The following CCDC175 variants were observed in gnomAD, a reference collection of about 807,000 sequenced individuals.
CCDC175 encodes the protein coiled-coil domain containing 175, also known as coiled-coil domain-containing protein 175.
In CCDC175, 100 loss-of-function variants were observed where a neutral mutation model predicts 114.6. The observed-to-expected ratio is 0.87, with a 90% CI of 0.74 to 1.03. The LOEUF (loss-of-function observed/expected upper bound fraction) is 1.03. Among genes scored for constraint, CCDC175 ranks in the 50% least tolerant of loss-of-function variants. The pLI is 0.00. For missense variants in CCDC175, 880 were observed against 917.8 expected (o/e 0.96, Z 0.53); for synonymous variants, 306 against 308.7 (o/e 0.99, Z 0.09).
chr14:59,573,618 GTTT>G (rs71111652), intron 2 of CCDC175, among the ~76,000 whole-genome samples: 1 of 108,952 alleles, frequency 9.2e-6, no homozygotes, highest in Non-Finnish European at 1.9e-5. Flanking sequence ...TTGTTTTTTT[GTTT>G]TTTTTTTTTT....
At chr14:59,559,068 G>GA (rs1343160174) in intron 7 of CCDC175, among the ~76,000 whole-genome samples, 3 of 152,142 alleles carry the variant, frequency 2.0e-5, no homozygotes, top group Non-Finnish European at 2.9e-5. Flanking sequence ...ACTTTAACAG[G>GA]ATGGAAGCCA....
rs140076678 is a variant in CCDC175, at chr14:59,512,805, G to GGTGTGT, written c.2099-1008_2099-1003dup. Among the ~76,000 whole-genome samples, 318 of 144,446 alleles carry GGTGTGT rather than the reference G, an allele frequency of 2.2e-3. 1 individual carries two copies. Among genetic ancestry groups the GGTGTGT allele is most frequent in the Admixed American group, 4.6e-3 (66 of 14,426 alleles). The allele number at this position is 144,446 out of a possible 152,430, so 94.8% of individuals were successfully genotyped here. ...CAAACCCAATTAAGATCTCAGCAGG[G>GGTGTGT]GTGTGTGTGTGTGTGTGTGTGTGTG... On this transcript the variant is annotated intron_variant, in intron 17 of 19. Transcript: ENST00000537690.
intron 7 of CCDC175, among the ~76,000 whole-genome samples, chr14:59,560,349 A>G (rs928821260): frequency 1.3e-5 from 2 of 152,118 alleles, no homozygotes; most frequent in African/African-American, 4.8e-5. Context: ...CTGTCAGTGA[A>G]CCACTGCAGT....
At chr14:59,543,309 G>A (rs1894899712) in intron 10 of CCDC175, 35 bp downstream of exon 10, 2 of 717,184 alleles carry the variant, frequency 2.8e-6, no homozygotes, top group Non-Finnish European at 4.4e-6. Context: ...TGCAGAGAAA[G>A]TAAAGATAAA....
At chr14:59,510,226 C>G (rs1892664556) in intron 19 of CCDC175, among the ~76,000 whole-genome samples, 1 of 152,098 alleles carries the variant, frequency 6.6e-6, no homozygotes. Context: ...GTTAACATCT[C>G]AGAAGCCCCC....
chr14:59,557,266 C>G (rs567514005), intron 7 of CCDC175, among the ~76,000 whole-genome samples: 2 of 152,152 alleles, frequency 1.3e-5, no homozygotes, highest in South Asian at 4.2e-4. Flanking sequence ...CACATATACA[C>G]CATGGAATAC....
chr14:59,549,208 A>G (rs1895300452), intron 8 of CCDC175, among the ~76,000 whole-genome samples: 1 of 152,246 alleles, frequency 6.6e-6, no homozygotes, highest in Non-Finnish European at 1.5e-5. Context: ...CCAAGTCCTG[A>G]ACAATTAAAA....
intron 17 of CCDC175, among the ~76,000 whole-genome samples, chr14:59,514,094 CA>C (rs1364866495): frequency 2.6e-5 from 4 of 152,200 alleles, no homozygotes; most frequent in African/African-American, 7.2e-5. Context: ...AACAGACCTG[CA>C]GCTGAAGGTC....
intron 19 of CCDC175, among the ~76,000 whole-genome samples, chr14:59,506,934 A>G (rs1892449395): frequency 6.7e-6 from 1 of 150,010 alleles, no homozygotes; most frequent in Non-Finnish European, 1.5e-5. Context: ...TTATTTATGT[A>G]ACCTAACATA....
At chr14:59,576,559 G>A in intron 1 of CCDC175, 60 bp downstream of exon 1, 1 of 1,350,684 alleles carries the variant, frequency 7.4e-7, no homozygotes, top group South Asian at 1.8e-5. Flanking sequence ...TTCCCGCTGA[G>A]TGCCTCCTAA....
At chr14:59,547,951 G>A (rs1030518709) in intron 8 of CCDC175, among the ~76,000 whole-genome samples, 6 of 152,074 alleles carry the variant, frequency 3.9e-5, no homozygotes, top group African/African-American at 1.2e-4. Flanking sequence ...CCACTGCTGG[G>A]TATATATCCC....
chr14:59,568,203 C>T, intron 4 of CCDC175, 42 bp downstream of exon 4: 1 of 1,495,700 alleles, frequency 6.7e-7, no homozygotes, highest in Non-Finnish European at 8.8e-7. Context: ...ACTCCAGCCT[C>T]AGACCCCTGC....
At chr14:59,549,999 C>G (rs55670732) in intron 8 of CCDC175, among the ~76,000 whole-genome samples, 78,492 of 151,784 alleles carry the variant, frequency 0.52, 21,589 homozygotes, top group East Asian at 0.82. Flanking sequence ...CAACCTCTGT[C>G]TCCCAGGTTC....
chr14:59,575,292 T>A (rs530359645), intron 1 of CCDC175, among the ~76,000 whole-genome samples: 3 of 23,998 alleles, frequency 1.3e-4, no homozygotes, highest in African/African-American at 3.0e-4. Context: ...GAGGGTGTAA[T>A]GATTTTTTTT....
rs183609854 is a variant in CCDC175 at position 59,576,297 on chromosome 14, G to A, written c.157+322C>T. ...CGGCAAGAAGAGAACTGAAATCGAAGGCATAATCTAAATGCAGGTGTGTAA... is the reference window on the plus strand; with the variant it reads ...CGGCAAGAAGAGAACTGAAATCGAAAGCATAATCTAAATGCAGGTGTGTAA... On this transcript the variant is annotated intron_variant, in intron 1 of 19. Transcript: ENST00000537690. 3.9e-4 allele frequency among the ~76,000 whole-genome samples: 59 copies of A among 152,340 alleles called. No individual in the cohort carries two copies. The East Asian group carries it at 6.4e-3, about 16-fold the overall frequency.
intron 7 of CCDC175, among the ~76,000 whole-genome samples, chr14:59,553,782 A>C (rs1895687098): frequency 6.6e-6 from 1 of 152,172 alleles, no homozygotes; most frequent in South Asian, 2.1e-4. Flanking sequence ...TACCAAGCAA[A>C]TGGAAAACAA....
chr14:59,561,924 T>C (rs1342286609), intron 6 of CCDC175, among the ~76,000 whole-genome samples: 2 of 152,192 alleles, frequency 1.3e-5, no homozygotes, highest in African/African-American at 4.8e-5. Context: ...AGAATTACCA[T>C]GGACATAATA....
intron 17 of CCDC175, among the ~76,000 whole-genome samples, chr14:59,517,836 G>C (rs1352711540): frequency 6.6e-6 from 1 of 151,966 alleles, no homozygotes; most frequent in Non-Finnish European, 1.5e-5. Context: ...AGTTCATATG[G>C]AACCAAAAAA....
intron 17 of CCDC175, among the ~76,000 whole-genome samples, chr14:59,512,654 C>A (rs577450422): frequency 6.6e-6 from 1 of 152,258 alleles, no homozygotes; most frequent in African/African-American, 2.4e-5. Context: ...TGATACTACA[C>A]TACAGCTGCA....
Sources: allele counts gnomAD v4.1 joint callset (sites outside exome capture counted in the v4.1 genomes callset), GRCh38; gene constraint gnomAD v4.1.1; transcripts MANE v1.5; gene names NCBI Gene and HGNC (gene_info 2026-07-23, HGNC 2026-07-21).